Variants in DOCK3 observed in about 807,000 individuals in gnomAD.
DOCK3 encodes dedicator of cytokinesis 3, also known as dedicator of cytokinesis protein 3.
In DOCK3, 60 loss-of-function variants were observed where a neutral mutation model predicts 265.6. The ratio of observed to expected loss-of-function variants is 0.23; its 90% CI spans 0.18 to 0.28. DOCK3 has a LOEUF of 0.28. Ranked by LOEUF, DOCK3 falls within the 10% of genes least tolerant of loss-of-function variation. The pLI is 1.00. For missense variants in DOCK3, 1,981 were observed against 2,594.3 expected, an observed-to-expected ratio of 0.76 and a Z score of 5.14; for synonymous variants, 881 against 938.0, an observed-to-expected ratio of 0.94 and a Z score of 1.11.
At chr3:50,718,998 A>G (rs960944396) in intron 1 of DOCK3, among the ~76,000 whole-genome samples, 1 of 151,616 alleles carries the variant, frequency 6.6e-6, no homozygotes, top group Non-Finnish European at 1.5e-5. Flanking sequence ...GTTAGCCAGG[A>G]TGGTCTCAAT....
chr3:51,018,022 A>T (rs2079426579), intron 5 of DOCK3, among the ~76,000 whole-genome samples: 8 of 151,368 alleles, frequency 5.3e-5, no homozygotes, highest in Admixed American at 5.3e-4. Flanking sequence ...CCTCCCGAGT[A>T]CCTGGATTAC....
chr3:50,841,092 A>G (rs879722683), intron 2 of DOCK3, among the ~76,000 whole-genome samples: 1 of 152,218 alleles, frequency 6.6e-6, no homozygotes, highest in Non-Finnish European at 1.5e-5. Flanking sequence ...AATATATTGA[A>G]ATTGAGAAGA....
intron 2 of DOCK3, among the ~76,000 whole-genome samples, chr3:50,789,076 G>C (rs192068261): frequency 1.3e-5 from 2 of 152,236 alleles, no homozygotes; most frequent in East Asian, 3.9e-4. Flanking sequence ...TGTGACCTTA[G>C]ACTGTCTTCT....
chr3:50,705,210 A>G (rs1219831274), intron 1 of DOCK3, among the ~76,000 whole-genome samples: 1 of 151,758 alleles, frequency 6.6e-6, no homozygotes, highest in Non-Finnish European at 1.5e-5. Context: ...GATGGTATGT[A>G]TCACCTTTTG....
At chr3:51,380,335 A>G in intron 52 of DOCK3, 128 bp downstream of exon 52, 1 of 885,264 alleles carries the variant, frequency 1.1e-6, no homozygotes, top group African/African-American at 1.7e-5. Context: ...GCCTGGCAGA[A>G]GCTGGGGGTG....
chr3:50,868,792 T>C (rs1361449610), intron 3 of DOCK3, among the ~76,000 whole-genome samples: 3 of 152,232 alleles, frequency 2.0e-5, no homozygotes, highest in Middle Eastern at 3.4e-3. Flanking sequence ...GATTTCCCAA[T>C]TTATTGGCAT....
intron 1 of DOCK3, among the ~76,000 whole-genome samples, chr3:50,741,427 C>A (rs1270753319): frequency 9.3e-6 from 1 of 108,080 alleles, no homozygotes; most frequent in African/African-American, 3.6e-5. Flanking sequence ...CTCCCCCCTC[C>A]CCCCACCCCA....
At chr3:51,233,177 G>A (rs1198541787) in intron 19 of DOCK3, among the ~76,000 whole-genome samples, 1 of 152,168 alleles carries the variant, frequency 6.6e-6, no homozygotes, top group African/African-American at 2.4e-5. Flanking sequence ...TTGGTAGTTT[G>A]ATAGGAATAG....
intron 1 of DOCK3, among the ~76,000 whole-genome samples, chr3:50,705,617 A>G (rs890801675): frequency 1.3e-5 from 2 of 151,986 alleles, no homozygotes; most frequent in Non-Finnish European, 1.5e-5. Flanking sequence ...GGGTTTCACC[A>G]TGCTGGCCAG....
intron 4 of DOCK3, among the ~76,000 whole-genome samples, chr3:50,905,887 T>C (rs1559795810): frequency 6.6e-6 from 1 of 152,074 alleles, no homozygotes; most frequent in Admixed American, 6.5e-5. Context: ...CAGTATGATA[T>C]TGGCTGTGGG....
chr3:50,803,524 T>TC (rs1323125125), intron 2 of DOCK3, among the ~76,000 whole-genome samples: 2 of 151,430 alleles, frequency 1.3e-5, no homozygotes, highest in African/African-American at 4.8e-5. Flanking sequence ...TCCCCACACT[T>TC]CCCCCCCTTC....
chr3:50,962,512 T>C (rs150210677), intron 5 of DOCK3, among the ~76,000 whole-genome samples: 5 of 152,340 alleles, frequency 3.3e-5, no homozygotes, highest in Admixed American at 1.3e-4. Context: ...GTTATATTCC[T>C]AGGTAGATGT....
chr3:50,917,743 A>G (rs1227436716), intron 4 of DOCK3, among the ~76,000 whole-genome samples: 1 of 151,654 alleles, frequency 6.6e-6, no homozygotes. Context: ...TTGTATTTTT[A>G]CGTAACTCTG....
chr3:51,167,622 C>T (rs1193010618), intron 12 of DOCK3, among the ~76,000 whole-genome samples: 1 of 151,804 alleles, frequency 6.6e-6, no homozygotes, highest in African/African-American at 2.4e-5. Context: ...TTTTCAATTT[C>T]TTTCATCAGT....
intron 10 of DOCK3, among the ~76,000 whole-genome samples, chr3:51,149,790 T>C (rs1396939799): frequency 1.3e-5 from 2 of 152,244 alleles, no homozygotes; most frequent in Admixed American, 1.3e-4. Context: ...GGGATATTGG[T>C]CTAAAAATCT....
At chr3:50,914,941 G>T (rs1021634336) in intron 4 of DOCK3, among the ~76,000 whole-genome samples, 1 of 152,088 alleles carries the variant, frequency 6.6e-6, no homozygotes, top group African/African-American at 2.4e-5. Context: ...TGAAGTGGCT[G>T]TGGGACTAGT....
chr3:51,139,461 C>G (rs573491277), intron 9 of DOCK3, among the ~76,000 whole-genome samples: 3 of 152,266 alleles, frequency 2.0e-5, no homozygotes, highest in South Asian at 2.1e-4. Flanking sequence ...TGGTGATGTA[C>G]CCGTCCATTT....
chr3:50,989,601 C>A (rs1204351935), intron 5 of DOCK3, among the ~76,000 whole-genome samples: 1 of 152,164 alleles, frequency 6.6e-6, no homozygotes. Flanking sequence ...TCAAATAAAA[C>A]CCCTGCAGAG....
intron 2 of DOCK3, among the ~76,000 whole-genome samples, chr3:50,805,965 A>C (rs1243440362): frequency 1.3e-5 from 2 of 151,592 alleles, no homozygotes; most frequent in African/African-American, 4.9e-5. Context: ...GCTGGGGGGC[A>C]GACTTAGAGC....
Sources: gnomAD v4.1 joint callset for allele counts (sites outside exome capture counted in the v4.1 genomes callset) on GRCh38, gnomAD v4.1.1 for gene constraint, MANE v1.5 for transcripts, NCBI Gene and HGNC (gene_info 2026-07-23, HGNC 2026-07-21) for gene names.